The following ACTR3C variants were observed in gnomAD, a reference collection of about 807,000 sequenced individuals.
ACTR3C encodes actin-related protein 3C.
ACTR3C carries 18 observed loss-of-function variants against 26.3 expected under a neutral mutation model. The observed-to-expected ratio is 0.68, with a 90% CI of 0.47 to 1.01. The LOEUF is 1.01. Ranked by LOEUF, ACTR3C falls within the 50% of genes least tolerant of loss-of-function variation. The pLI is 0.00. For synonymous variants in ACTR3C, 55 were observed against 94.5 expected (o/e 0.58, Z 2.42); for missense variants, 184 against 250.7 (o/e 0.73, Z 1.80).
chr7:150,123,616 C>A, the ACTR3C span, among the ~76,000 whole-genome samples: 1 of 151,130 alleles, frequency 6.6e-6, no homozygotes. Context: ...CACACACAAA[C>A]ACACACCCCT....
the ACTR3C span, among the ~76,000 whole-genome samples, chr7:150,035,357 ACCCTCGCGGGCGGTGCCTCCCCCTCGT>A: frequency 2.3e-5 from 1 of 42,706 alleles, no homozygotes; most frequent in Non-Finnish European, 5.2e-5. Context: ...CTCAGTCCCC[ACCCTCGCGGGCGGTGCCTCCCCCTCGT>A]GCGATGGGGG....
the ACTR3C span, among the ~76,000 whole-genome samples, chr7:150,152,927 G>C: frequency 4.6e-5 from 7 of 152,178 alleles, no homozygotes; most frequent in African/African-American, 1.7e-4. Flanking sequence ...TATTTGCGTA[G>C]AGGTGTTTGT....
chr7:149,959,231 C>A, the ACTR3C span, among the ~76,000 whole-genome samples: 11 of 149,582 alleles, frequency 7.4e-5, no homozygotes, highest in South Asian at 2.2e-4. Context: ...CGCCCCCCAC[C>A]CCCACAATCT....
chr7:150,173,269 T>A, the ACTR3C span, among the ~76,000 whole-genome samples: 1 of 147,406 alleles, frequency 6.8e-6, no homozygotes, highest in African/African-American at 2.7e-5. Context: ...GAAATCTAGG[T>A]GGAGGTTCCC....
chr7:150,251,573 T>C (rs550582404), intron 6 of ACTR3C, among the ~76,000 whole-genome samples: 2 of 152,210 alleles, frequency 1.3e-5, no homozygotes, highest in East Asian at 3.9e-4. Context: ...AACCTAAAGA[T>C]TGATGATGGT....
At chr7:149,982,277 A>G in the ACTR3C span, among the ~76,000 whole-genome samples, 1 of 152,216 alleles carries the variant, frequency 6.6e-6, no homozygotes, top group South Asian at 2.1e-4. Context: ...GGTTAAAGGC[A>G]TGAGACAATG....
chr7:150,128,371 G>C, the ACTR3C span, among the ~76,000 whole-genome samples: 1 of 152,156 alleles, frequency 6.6e-6, no homozygotes, highest in Non-Finnish European at 1.5e-5. Context: ...CATAAGACAG[G>C]TCAGAATCAG....
At chr7:150,026,537 AT>A in the ACTR3C span, among the ~76,000 whole-genome samples, 1 of 147,006 alleles carries the variant, frequency 6.8e-6, no homozygotes, top group South Asian at 2.2e-4. Context: ...TAATTCACTT[AT>A]TGGGAATGGT....
chr7:150,103,617 T>C, the ACTR3C span, among the ~76,000 whole-genome samples: 2 of 151,942 alleles, frequency 1.3e-5, no homozygotes, highest in Non-Finnish European at 2.9e-5. Flanking sequence ...CATCCTGAAG[T>C]AGTCATTAGT....
the ACTR3C span, among the ~76,000 whole-genome samples, chr7:150,159,597 C>T: frequency 6.6e-6 from 1 of 152,126 alleles, no homozygotes; most frequent in Non-Finnish European, 1.5e-5. Flanking sequence ...TCCACCCGAG[C>T]CCCGCCAAAA....
chr7:150,031,436 G>A, the ACTR3C span, among the ~76,000 whole-genome samples: 1 of 152,152 alleles, frequency 6.6e-6, no homozygotes, highest in Non-Finnish European at 1.5e-5. Context: ...GGCTTCTTAG[G>A]AGGATAAAAC....
intron 6 of ACTR3C, among the ~76,000 whole-genome samples, chr7:150,279,837 G>A (rs1367118818): frequency 2.6e-5 from 4 of 152,162 alleles, no homozygotes; most frequent in Admixed American, 2.0e-4. Flanking sequence ...CATTTAGCTT[G>A]TAGTGGTTCC....
At chr7:150,246,055 T>G (rs1563141042), downstream of ACTR3C, 1 of 152,170 alleles carries the variant, frequency 6.6e-6, no homozygotes, top group Non-Finnish European at 1.5e-5. Flanking sequence ...CTGTGGATCT[T>G]GGACTTCACC....
chr7:149,883,193 G>A, the ACTR3C span, among the ~76,000 whole-genome samples: 1 of 152,218 alleles, frequency 6.6e-6, no homozygotes, highest in Admixed American at 6.5e-5. Flanking sequence ...AACTCAAAGG[G>A]TGGCCAGGTG....
the ACTR3C span, among the ~76,000 whole-genome samples, chr7:150,104,061 C>G: frequency 1.3e-5 from 2 of 151,718 alleles, 1 homozygote; most frequent in Admixed American, 1.3e-4. Flanking sequence ...AAAATACACA[C>G]CCTACATTCT....
chr7:150,119,664 A>T, the ACTR3C span, among the ~76,000 whole-genome samples: 2 of 152,322 alleles, frequency 1.3e-5, no homozygotes, highest in Admixed American at 1.3e-4. Context: ...TGTCAATATT[A>T]GACAGATCAA....
chr7:150,080,556 TG>T, the ACTR3C span, among the ~76,000 whole-genome samples: 4 of 151,808 alleles, frequency 2.6e-5, no homozygotes, highest in Admixed American at 1.3e-4. Context: ...TGTGTGTGTG[TG>T]TGTGTGTGTG....
At chr7:150,138,031 G>A in the ACTR3C span, among the ~76,000 whole-genome samples, 1 of 152,172 alleles carries the variant, frequency 6.6e-6, no homozygotes, top group Admixed American at 6.5e-5. Flanking sequence ...CAAATACTGT[G>A]TTGGCTTCTT....
chr7:150,311,324 A>G (rs1401815536), intron 1 of ACTR3C, among the ~76,000 whole-genome samples: 1 of 152,138 alleles, frequency 6.6e-6, no homozygotes, highest in Non-Finnish European at 1.5e-5. Context: ...TTCTATCCAA[A>G]CAACTTGACC....
Sources: allele counts gnomAD v4.1 joint callset (sites outside exome capture counted in the v4.1 genomes callset), GRCh38; gene constraint gnomAD v4.1.1; transcripts MANE v1.5; gene names NCBI Gene and HGNC (gene_info 2026-07-23, HGNC 2026-07-21).